Variants in PKD1L1 observed in about 807,000 individuals in gnomAD.
The protein encoded by PKD1L1 is polycystin 1 like 1, transient receptor potential channel interacting, also known as polycystin-1-like protein 1.
Under a neutral mutation model 323.4 loss-of-function variants are expected in PKD1L1, and 236 were observed. The observed-to-expected ratio is 0.73, with a 90% CI of 0.66 to 0.81. PKD1L1 has a LOEUF of 0.81. Among genes scored for constraint, PKD1L1 ranks in the 40% least tolerant of loss-of-function variants. The pLI, the probability that PKD1L1 is intolerant of heterozygous loss-of-function variation, is 0.00. For synonymous variants in PKD1L1, 1,344 were observed against 1,335.0 expected, an observed-to-expected ratio of 1.01 and a Z score of -0.15; for missense variants, 3,320 against 3,508.0, an observed-to-expected ratio of 0.95 and a Z score of 1.35.
chr7:47,905,799 CG>C, intron 10 of PKD1L1, 43 bp downstream of exon 10: 4 of 1,607,488 alleles, frequency 2.5e-6, no homozygotes, highest in Non-Finnish European at 3.4e-6. Context: ...GCTGACTGCG[CG>C]AGGGAGGTTT....
chr7:47,959,265 G>A, the PKD1L1 span, among the ~76,000 whole-genome samples: 2 of 151,526 alleles, frequency 1.3e-5, no homozygotes, highest in African/African-American at 2.4e-5. Context: ...AGTGAGGAGC[G>A]TCTCTGCCTG....
chr7:47,778,514 C>T (rs1421915654), intron 56 of PKD1L1, among the ~76,000 whole-genome samples: 1 of 152,108 alleles, frequency 6.6e-6, no homozygotes, highest in Non-Finnish European at 1.5e-5. Context: ...TATTATAGCC[C>T]TCAAACAGGT....
At position 47,873,999 on chromosome 7, in the gene PKD1L1, T is replaced by C. The variant is rs765473255; in HGVS notation, c.3796A>G (p.Thr1266Ala). ...GAGCCTTTGCCATCTGTGATTTCAG[T>C]GGAAACCATGACTGTGAGGGAACAT... The part of the protein sequence containing the change: ...HLDNYKVMVS[T>A]EITDGKGSKV... Residue 1266 changes from threonine (T) to alanine (A), a missense_variant, in exon 24 of 57, where the codon ACT (threonine) becomes GCT (alanine). By Grantham distance (58) the Thr-to-Ala change is moderately conservative. Transcript: ENST00000289672. 2 of 1,609,828 alleles carry C rather than the reference T, an allele frequency of 1.2e-6. No individual in the cohort carries two copies. Among genetic ancestry groups the C allele is most frequent in the East Asian group, 4.5e-5 (2 of 44,858 alleles).
Position 47,796,120 on chromosome 7 carries a change from T to C in PKD1L1, c.8224A>G (p.Lys2742Glu). 2 of 1,608,876 alleles carry C rather than the reference T, an allele frequency of 1.2e-6. No individual in the cohort carries two copies. The highest frequency in any genetic ancestry group is 2.2e-5 in the South Asian group (2 of 89,662). ...LRGFLMTLPQ[K>E]RKSFQSKSFV... ...GATTTACTTTGAAAAGATTTTCTTTTTTGGGGTAAAGTCATGAGAAAACCT... is the reference window on the plus strand; with the variant it reads ...GATTTACTTTGAAAAGATTTTCTTTCTTGGGGTAAAGTCATGAGAAAACCT... Residue 2742 changes from lysine to glutamate, a missense_variant, in exon 55 of 57, where the codon AAA becomes GAA. Transcript: ENST00000289672.
chr7:47,819,472 T>C (rs768171346), intron 46 of PKD1L1: 5 of 1,202,012 alleles, frequency 4.2e-6, no homozygotes, highest in Non-Finnish European at 4.3e-6. Flanking sequence ...CCATTTCCAT[T>C]GAGGACCCAA....
At chr7:47,944,390 C>T (rs1397306291) in intron 1 of PKD1L1, among the ~76,000 whole-genome samples, 3 of 152,240 alleles carry the variant, frequency 2.0e-5, no homozygotes, top group African/African-American at 7.2e-5. Context: ...CCTGTACTGG[C>T]TGCAGAACCG....
intron 2 of PKD1L1, among the ~76,000 whole-genome samples, chr7:47,943,166 ATATAT>A (rs1563001818): frequency 0.017 from 546 of 32,818 alleles, 7 homozygotes; most frequent in African/African-American, 0.07. Flanking sequence ...AAAAAAAAAT[ATATAT>A]ATATATATAT....
chr7:47,917,709 A>T lies in PKD1L1; in HGVS notation c.1061-2110T>A, dbSNP rs1336659840. Among the ~76,000 whole-genome samples the T allele has an allele frequency of 5.9e-5, 9 of 152,340 alleles. No homozygotes were observed. The South Asian group carries it at 1.9e-3, about 32-fold the overall frequency. Reference sequence around the variant, plus strand: ...AACAATTATCAGACAAGAATTTTGTATCTAGCAAAACTAAGCTTCATACAT... The same window carrying T: ...AACAATTATCAGACAAGAATTTTGTTTCTAGCAAAACTAAGCTTCATACAT... On this transcript the variant is annotated intron_variant, in intron 7 of 56. Coordinates refer to ENST00000289672, the MANE Select transcript of PKD1L1 (RefSeq NM_138295.5).
intron 55 of PKD1L1, among the ~76,000 whole-genome samples, chr7:47,794,249 C>A (rs1787020926): frequency 6.6e-6 from 1 of 152,180 alleles, no homozygotes; most frequent in African/African-American, 2.4e-5. Context: ...ACCTTCACAG[C>A]AGCCTCTCCC....
chr7:47,866,284 C>T (rs1786167131), intron 25 of PKD1L1, 135 bp downstream of exon 25: 2 of 793,714 alleles, frequency 2.5e-6, no homozygotes, highest in Admixed American at 5.9e-5. Flanking sequence ...GGGAGCTGAG[C>T]TGGCTGGCCC....
chr7:47,801,793 G>A (rs976745549), intron 53 of PKD1L1, among the ~76,000 whole-genome samples: 1 of 152,278 alleles, frequency 6.6e-6, no homozygotes, highest in East Asian at 1.9e-4. Context: ...GTGGTCTCCC[G>A]GTCTCCCCTT....
chr7:47,916,992 C>T (rs1787442591), intron 7 of PKD1L1, among the ~76,000 whole-genome samples: 2 of 152,118 alleles, frequency 1.3e-5, no homozygotes, highest in African/African-American at 4.8e-5. Context: ...CCCAGTTTAC[C>T]TTAAAAAGAA....
intron 37 of PKD1L1, among the ~76,000 whole-genome samples, 159 bp downstream of exon 37, chr7:47,836,762 G>A (rs1282685762): frequency 2.6e-5 from 4 of 152,202 alleles, no homozygotes; most frequent in Admixed American, 6.5e-5. Context: ...ACCGGGCAGA[G>A]CCCTCCTGTT....
rs139886667 is a variant in PKD1L1, at chr7:47,832,319, C to T, written c.6337+771G>A. ...ACGTGTCCAGTTTGTCTGGGAGGGT[C>T]GTCGGTCCTTGGGATGAGTTTCCCT... On this transcript the variant is annotated intron_variant, in intron 41 of 56. Transcript: ENST00000289672. Among the ~76,000 whole-genome samples, 255 of 152,294 alleles carry T rather than the reference C, an allele frequency of 1.7e-3. 3 individuals carry two copies. The highest frequency in any genetic ancestry group is 6.0e-3 in the African/African-American group (250 of 41,558).
chr7:47,888,721 C>T (rs1786742115), intron 16 of PKD1L1, among the ~76,000 whole-genome samples: 1 of 152,206 alleles, frequency 6.6e-6, no homozygotes. Context: ...TCACACATCC[C>T]ATGCCCACAG....
chr7:47,839,339 C>T lies in PKD1L1; in HGVS notation c.5769+107G>A. The T allele has an allele frequency of 1.2e-6, 1 of 840,270 alleles. No individual in the cohort carries two copies. The highest frequency in any genetic ancestry group is 1.9e-6 in the Non-Finnish European group (1 of 539,734). 52.1% of individuals were successfully genotyped at this position (840,270 alleles called of 1,614,324 possible). A position where few individuals can be genotyped will look rare whatever the true frequency, so the allele number is the denominator to read the frequency against. On this transcript the variant is annotated intron_variant, in intron 36 of 56. Transcript: ENST00000289672. The surrounding 1 kb of genome is among the most constrained non-coding windows in gnomAD (Gnocchi z 4.3). Reference sequence around the variant, plus strand: ...AATTAACTAAGAAAAGAGGAATACACTTTAGAAGAGTTCAAAGACACAACT... The same window carrying T: ...AATTAACTAAGAAAAGAGGAATACATTTTAGAAGAGTTCAAAGACACAACT...
At chr7:47,851,495 T>G (rs1785781770) in intron 31 of PKD1L1, among the ~76,000 whole-genome samples, 1 of 152,140 alleles carries the variant, frequency 6.6e-6, no homozygotes, top group Non-Finnish European at 1.5e-5. Context: ...AAGCTCTTCT[T>G]TACTGAAGAA....
intron 16 of PKD1L1, 50 bp from the exon 17 acceptor site, chr7:47,888,200 C>T (rs905217634): frequency 6.5e-7 from 1 of 1,548,952 alleles, no homozygotes; most frequent in Non-Finnish European, 8.9e-7. Flanking sequence ...TGTGAGGGTT[C>T]TTTGGTCACA....
At position 47,788,577 on chromosome 7, in the gene PKD1L1, A is replaced by ATATATTTT. The variant is rs939251075; in HGVS notation, c.8526+4049_8526+4050insAAAATATA. The stretch of plus-strand genomic sequence containing the variant: ...CCAGCCCAGTTATATATATATATAT[A>ATATATTTT]TTTTTTTTTTTTAATTTTAATTTTA... On this transcript the variant is annotated intron_variant, in intron 56 of 56. Coordinates refer to ENST00000289672, the MANE Select transcript of PKD1L1 (RefSeq NM_138295.5). 7.7e-3 allele frequency among the ~76,000 whole-genome samples: 1,059 copies of ATATATTTT among 137,974 alleles called. 7 individuals are homozygous for ATATATTTT. Among genetic ancestry groups the ATATATTTT allele is most frequent in the Admixed American group, 0.011 (148 of 13,692 alleles). 90.5% of individuals were successfully genotyped at this position (137,974 alleles called of 152,430 possible). A position where few individuals can be genotyped will look rare whatever the true frequency, so the allele number is the denominator to read the frequency against.
Sources: allele counts gnomAD v4.1 joint callset (sites outside exome capture counted in the v4.1 genomes callset), GRCh38; gene constraint gnomAD v4.1.1; non-coding constraint Gnocchi (gnomAD v3.1); transcripts MANE v1.5; gene names NCBI Gene and HGNC (gene_info 2026-07-23, HGNC 2026-07-21).